The following SLC10A7 variants were observed in gnomAD, a reference collection of about 807,000 sequenced individuals.
SLC10A7 encodes sodium/bile acid cotransporter 7.
SLC10A7 carries 29 observed loss-of-function variants against 43.2 expected under a neutral mutation model. The observed-to-expected ratio is 0.67, with a 90% CI of 0.50 to 0.92. The LOEUF (loss-of-function observed/expected upper bound fraction) is 0.92. SLC10A7 is among the 40% of genes least tolerant of loss of function. The pLI is 0.00. For synonymous variants in SLC10A7, 152 were observed against 144.8 expected (o/e 1.05, Z -0.35); for missense variants, 295 against 403.2 (o/e 0.73, Z 2.30).
intron 8 of SLC10A7, 123 bp from the exon 9 acceptor site, chr4:146,293,103 C>T (rs1163515774): frequency 2.1e-5 from 12 of 585,148 alleles, no homozygotes; most frequent in Admixed American, 3.7e-5. Context: ...ACAAATAAAC[C>T]AAACAAGCAT....
At position 146,461,612 on chromosome 4, in the gene SLC10A7, T is replaced by A. The variant is rs184566118; in HGVS notation, c.397-18791A>T. Among the ~76,000 whole-genome samples the A allele has an allele frequency of 3.2e-3, 486 of 152,134 alleles. 3 individuals carry two copies. The highest frequency in any genetic ancestry group is 0.011 in the African/African-American group (447 of 41,536). On this transcript the variant is annotated intron_variant, in intron 4 of 11. Coordinates refer to ENST00000335472, the MANE Select transcript of SLC10A7 (RefSeq NM_001029998.6). ...CTGTACACACACCCCAATGTCTATC[T>A]CTGCACTCCAGCTTTGGTTGGCTTA...
At chr4:146,302,114 C>G (rs1448522927) in intron 7 of SLC10A7, among the ~76,000 whole-genome samples, 2 of 151,994 alleles carry the variant, frequency 1.3e-5, no homozygotes, top group Non-Finnish European at 2.9e-5. Context: ...TGTTTTAAGC[C>G]AAGCATTTAT....
intron 10 of SLC10A7, among the ~76,000 whole-genome samples, chr4:146,269,071 C>T (rs573520441): frequency 2.6e-4 from 39 of 152,246 alleles, no homozygotes; most frequent in South Asian, 1.9e-3. Flanking sequence ...TAGTCTTCAA[C>T]GACCCAGGCT....
intron 10 of SLC10A7, among the ~76,000 whole-genome samples, chr4:146,262,463 T>C (rs1656305006): frequency 6.6e-6 from 1 of 152,234 alleles, no homozygotes. Flanking sequence ...GTGATTTCTG[T>C]CAGCTGGCCA....
chr4:146,292,231 C>A (rs1437584748), intron 9 of SLC10A7, among the ~76,000 whole-genome samples: 1 of 152,092 alleles, frequency 6.6e-6, no homozygotes, highest in Admixed American at 6.6e-5. Flanking sequence ...GATATCTGAA[C>A]CAGAGAGCCA....
chr4:146,481,661 G>A (rs887263403), intron 4 of SLC10A7, among the ~76,000 whole-genome samples: 1 of 152,182 alleles, frequency 6.6e-6, no homozygotes, highest in Non-Finnish European at 1.5e-5. Flanking sequence ...CCAGGGTTTG[G>A]GCTGCTAGGG....
chr4:146,453,016 A>G (rs976492956), intron 4 of SLC10A7, among the ~76,000 whole-genome samples: 16 of 130,248 alleles, frequency 1.2e-4, no homozygotes, highest in Admixed American at 4.2e-4. Context: ...ATTTATAGAT[A>G]TATACAATGT....
At chr4:146,442,670 A>C in intron 5 of SLC10A7, 113 bp downstream of exon 5, 1 of 1,520,408 alleles carries the variant, frequency 6.6e-7, no homozygotes, top group Non-Finnish European at 8.8e-7. Context: ...AAAAGATTCA[A>C]CAATTTTTAT....
intron 5 of SLC10A7, among the ~76,000 whole-genome samples, chr4:146,338,350 G>A (rs989490643): frequency 7.2e-5 from 11 of 151,860 alleles, no homozygotes; most frequent in Admixed American, 3.3e-4. Context: ...ACAAACCTAT[G>A]AGAAAGCTGC....
At chr4:146,347,206 C>G (rs1328249659) in intron 5 of SLC10A7, among the ~76,000 whole-genome samples, 1 of 151,938 alleles carries the variant, frequency 6.6e-6, no homozygotes, top group Non-Finnish European at 1.5e-5. Context: ...GAAGTGTGTT[C>G]GTGGTGCTTA....
chr4:146,379,146 T>C (rs947948831), intron 5 of SLC10A7, among the ~76,000 whole-genome samples: 3 of 152,196 alleles, frequency 2.0e-5, no homozygotes, highest in Admixed American at 2.0e-4. Context: ...ACCAAATTAC[T>C]TTCATTCTAC....
intron 5 of SLC10A7, among the ~76,000 whole-genome samples, chr4:146,359,437 T>C (rs552596824): frequency 6.6e-6 from 1 of 152,286 alleles, no homozygotes; most frequent in South Asian, 2.1e-4. Context: ...TTTTGTGACT[T>C]AAGATGTTCA....
chr4:146,327,925 C>T (rs1366208444), intron 5 of SLC10A7, among the ~76,000 whole-genome samples: 9 of 151,978 alleles, frequency 5.9e-5, no homozygotes, highest in Non-Finnish European at 8.8e-5. Flanking sequence ...ATATATGCCA[C>T]TCACTGGCAT....
chr4:146,519,037 G>C (rs1157035351), intron 1 of SLC10A7, among the ~76,000 whole-genome samples: 1 of 121,374 alleles, frequency 8.2e-6, no homozygotes, highest in Non-Finnish European at 1.7e-5. Flanking sequence ...TCGATATATG[G>C]ACAGAAGACC....
At chr4:146,401,474 A>G (rs1307602897) in intron 5 of SLC10A7, among the ~76,000 whole-genome samples, 1 of 152,216 alleles carries the variant, frequency 6.6e-6, no homozygotes, top group East Asian at 1.9e-4. Flanking sequence ...CCCAATGCCC[A>G]GGAGACCTGC....
At chr4:146,476,506 T>C (rs1232601008) in intron 4 of SLC10A7, among the ~76,000 whole-genome samples, 1 of 152,108 alleles carries the variant, frequency 6.6e-6, no homozygotes, top group East Asian at 1.9e-4. Context: ...TGTGTGTGCA[T>C]GTGCATGTGT....
chr4:146,332,618 C>A (rs1033149256), intron 5 of SLC10A7, among the ~76,000 whole-genome samples: 2 of 152,112 alleles, frequency 1.3e-5, no homozygotes, highest in African/African-American at 4.8e-5. Flanking sequence ...TCCCTGAGGC[C>A]TCCCAGAAGC....
At chr4:146,353,216 T>C (rs1467909431) in intron 5 of SLC10A7, among the ~76,000 whole-genome samples, 12 of 75,106 alleles carry the variant, frequency 1.6e-4, no homozygotes, top group Middle Eastern at 6.8e-3. Context: ...TCACCACCGA[T>C]CCCACAGAAA....
chr4:146,497,919 GA>G (rs879889423), intron 4 of SLC10A7, among the ~76,000 whole-genome samples: 92 of 146,318 alleles, frequency 6.3e-4, no homozygotes, highest in African/African-American at 1.7e-3. Context: ...CTTTTGGAGG[GA>G]AAAAAAAAAT....
Sources: allele counts gnomAD v4.1 joint callset (sites outside exome capture counted in the v4.1 genomes callset), GRCh38; gene constraint gnomAD v4.1.1; transcripts MANE v1.5; gene names NCBI Gene and HGNC (gene_info 2026-07-23, HGNC 2026-07-21).